Variants in OPCML observed in about 807,000 individuals in gnomAD.
OPCML encodes the protein opioid binding protein/cell adhesion molecule like.
Under a neutral mutation model 37.8 loss-of-function variants are expected in OPCML, and 13 were observed. The ratio of observed to expected loss-of-function variants is 0.34; its 90% CI spans 0.22 to 0.55. OPCML has a LOEUF of 0.55. Ranked by LOEUF, OPCML falls within the 20% of genes least tolerant of loss-of-function variation. OPCML has a pLI of 0.91. For missense variants in OPCML, 341 were observed against 435.6 expected, an observed-to-expected ratio of 0.78 and a Z score of 1.93; for synonymous variants, 176 against 168.8, an observed-to-expected ratio of 1.04 and a Z score of -0.33.
chr11:132,476,697 G>A (rs1592232636), intron 4 of OPCML, among the ~76,000 whole-genome samples: 2 of 152,036 alleles, frequency 1.3e-5, no homozygotes, highest in East Asian at 3.9e-4. Flanking sequence ...TTTTGGGGTG[G>A]AGGGAGCAGG....
At chr11:132,811,289 TCTTA>T (rs1045352094) in intron 2 of OPCML, among the ~76,000 whole-genome samples, 4 of 152,256 alleles carry the variant, frequency 2.6e-5, no homozygotes, top group African/African-American at 7.2e-5. Context: ...ATTAAATCCC[TCTTA>T]CTTCTCTTCT....
chr11:132,762,472 G>A (rs1051918655), intron 2 of OPCML, among the ~76,000 whole-genome samples: 2 of 152,246 alleles, frequency 1.3e-5, no homozygotes, highest in Non-Finnish European at 2.9e-5. Flanking sequence ...GTAAGACCCT[G>A]ACTGGGGCTG....
intron 3 of OPCML, among the ~76,000 whole-genome samples, chr11:132,602,356 A>C (rs2137786225): frequency 6.6e-6 from 1 of 152,326 alleles, no homozygotes; most frequent in Admixed American, 6.5e-5. Flanking sequence ...CCAAACCTAT[A>C]GATTGTTATA....
At chr11:132,952,741 C>T (rs898583274) in intron 1 of OPCML, among the ~76,000 whole-genome samples, 1 of 152,098 alleles carries the variant, frequency 6.6e-6, no homozygotes, top group Non-Finnish European at 1.5e-5. Context: ...CCTCTGTGAG[C>T]GGCGTGCATG....
chr11:133,421,749 A>G, intron 1 of OPCML: 1 of 985,414 alleles, frequency 1.0e-6, no homozygotes, highest in Non-Finnish European at 1.2e-6. Context: ...AACTGTGGCA[A>G]TGACACCAAC....
At chr11:132,441,171 T>TTTTTTTTTTTTTTTG (rs2096032587) in intron 4 of OPCML, among the ~76,000 whole-genome samples, 1 of 114,576 alleles carries the variant, frequency 8.7e-6, no homozygotes, top group Non-Finnish European at 1.9e-5. Context: ...TTTTGTTTTT[T>TTTTTTTTTTTTTTTG]TTTTTTTTTT....
At chr11:132,538,778 A>G (rs1469293294) in intron 3 of OPCML, among the ~76,000 whole-genome samples, 1 of 152,160 alleles carries the variant, frequency 6.6e-6, no homozygotes. Flanking sequence ...TCTTTCCAAG[A>G]CAACTCGCAT....
rs149148753 is a variant in OPCML, at chr11:132,734,911, T to C, written c.147-77592A>G. On this transcript the variant is annotated intron_variant, in intron 2 of 7. Coordinates refer to ENST00000524381, the MANE Select transcript of OPCML (RefSeq NM_001012393.5). ...TATAGAAAAGTGAAAAAAATGTCAC[T>C]GGAAACTGAAAGAAAGGTGATTGTT... is the stretch of plus-strand genomic sequence containing the variant. Among the ~76,000 whole-genome samples, 1,318 of 152,226 alleles carry C rather than the reference T, an allele frequency of 8.7e-3. 10 individuals are homozygous for C. The highest frequency in any genetic ancestry group is 0.017 in the South Asian group (80 of 4,816).
chr11:132,923,388 G>A (rs182853735), intron 2 of OPCML, among the ~76,000 whole-genome samples: 16 of 152,214 alleles, frequency 1.1e-4, no homozygotes, highest in Non-Finnish European at 1.9e-4. Flanking sequence ...TTACTATGAC[G>A]CCCAGCCGGG....
chr11:132,789,541 T>G (rs777858948), intron 2 of OPCML, among the ~76,000 whole-genome samples: 5 of 152,096 alleles, frequency 3.3e-5, no homozygotes, highest in Non-Finnish European at 7.4e-5. Flanking sequence ...GCAGGGGGCC[T>G]AGGAAAGGGG....
At chr11:132,471,707 T>C (rs2096138540) in intron 4 of OPCML, among the ~76,000 whole-genome samples, 1 of 152,160 alleles carries the variant, frequency 6.6e-6, no homozygotes, top group Non-Finnish European at 1.5e-5. Context: ...TTCCAGGAGT[T>C]GAGAATCATT....
At position 133,294,138 on chromosome 11, in the gene OPCML, G is replaced by C. The variant is rs551490506; in HGVS notation, c.61+238126C>G. 3.6e-4 allele frequency among the ~76,000 whole-genome samples: 54 copies of C among 152,048 alleles called. No homozygotes were observed. In the South Asian group the frequency reaches 0.011, roughly 32 times the overall value. On this transcript the variant is annotated intron_variant, in intron 1 of 7. Transcript: ENST00000524381. ...CTCCCTGAAAAAGTCATCACTGTGG[G>C]TCCATGTGGTACCATAGCTTTAGAC...
intron 2 of OPCML, among the ~76,000 whole-genome samples, chr11:132,718,553 C>T (rs942784740): frequency 4.6e-5 from 7 of 152,238 alleles, no homozygotes; most frequent in Admixed American, 3.3e-4. Flanking sequence ...TTCCCTAGGT[C>T]AGCCTGTTTC....
At chr11:132,574,992 A>G (rs1240152958) in intron 3 of OPCML, among the ~76,000 whole-genome samples, 1 of 151,996 alleles carries the variant, frequency 6.6e-6, no homozygotes, top group Admixed American at 6.6e-5. Flanking sequence ...TATTCCTCTA[A>G]TCATTATGCA....
At chr11:132,648,669 T>G (rs1941277934) in intron 3 of OPCML, among the ~76,000 whole-genome samples, 1 of 152,070 alleles carries the variant, frequency 6.6e-6, no homozygotes, top group Admixed American at 6.6e-5. Context: ...GCCCAGCTAA[T>G]TTTTTCTGGC....
intron 1 of OPCML, among the ~76,000 whole-genome samples, chr11:133,304,448 G>A (rs1942860318): frequency 6.6e-6 from 1 of 152,194 alleles, no homozygotes; most frequent in South Asian, 2.1e-4. Context: ...GACCTGTTAT[G>A]CCTTCCATTT....
chr11:133,252,975 G>A lies in OPCML; in HGVS notation c.61+279289C>T, dbSNP rs1230356. Among the ~76,000 whole-genome samples the A allele has an allele frequency of 1.2e-4, 19 of 152,036 alleles. No individual in the cohort carries two copies. In the South Asian group the frequency reaches 3.5e-3, roughly 28 times the overall value. ...AGCCTGACCAACATGGTGAAACCCC[G>A]TCTCTACTAAAAATACAAAAATTAG... On this transcript the variant is annotated intron_variant, in intron 1 of 7. Transcript: ENST00000524381.
At chr11:133,372,072 T>C (rs1381773819) in intron 1 of OPCML, among the ~76,000 whole-genome samples, 1 of 152,052 alleles carries the variant, frequency 6.6e-6, no homozygotes, top group Non-Finnish European at 1.5e-5. Flanking sequence ...CAAAGATACA[T>C]TTAGATGGAA....
At chr11:133,406,159 C>T (rs1312211237) in intron 1 of OPCML, among the ~76,000 whole-genome samples, 1 of 152,056 alleles carries the variant, frequency 6.6e-6, no homozygotes, top group African/African-American at 2.4e-5. Flanking sequence ...TAACAATAAT[C>T]GCAATTCAGT....
Sources: gnomAD v4.1 joint callset for allele counts (sites outside exome capture counted in the v4.1 genomes callset) on GRCh38, gnomAD v4.1.1 for gene constraint, MANE v1.5 for transcripts, NCBI Gene and HGNC (gene_info 2026-07-23, HGNC 2026-07-21) for gene names.